Variants in EGFLAM observed in about 807,000 individuals in gnomAD.
EGFLAM encodes the protein EGF like, fibronectin type III and laminin G domains.
A neutral mutation model predicts 113.1 loss-of-function variants in EGFLAM; 79 were observed. The ratio of observed to expected loss-of-function variants is 0.70; its 90% CI spans 0.58 to 0.84. The LOEUF (loss-of-function observed/expected upper bound fraction) is 0.84, where lower values mean the gene tolerates loss of function less well. Among genes scored for constraint, EGFLAM ranks in the 40% least tolerant of loss-of-function variants. The probability of loss-of-function intolerance (pLI) is 0.00; values close to 1 mark genes in which losing one functional copy is unlikely to be tolerated. For synonymous variants in EGFLAM, 504 were observed against 487.6 expected (o/e 1.03, Z -0.44); for missense variants, 1,265 against 1,291.6 (o/e 0.98, Z 0.32).
At chr5:38,293,673 T>A (rs1019037539) in intron 1 of EGFLAM, among the ~76,000 whole-genome samples, 5 of 152,240 alleles carry the variant, frequency 3.3e-5, no homozygotes, top group African/African-American at 1.2e-4. Context: ...GGGTTATATA[T>A]TGCATTATAT....
chr5:38,292,635 T>G (rs1408677755), intron 1 of EGFLAM, among the ~76,000 whole-genome samples: 2 of 152,218 alleles, frequency 1.3e-5, no homozygotes, highest in Non-Finnish European at 2.9e-5. Flanking sequence ...AGTACCCACC[T>G]GTACACATAG....
chr5:38,273,970 G>A (rs1579711845), intron 1 of EGFLAM, among the ~76,000 whole-genome samples: 1 of 152,156 alleles, frequency 6.6e-6, no homozygotes, highest in East Asian at 1.9e-4. Context: ...CGTAGAAACA[G>A]TTAAATGAAA....
intron 15 of EGFLAM, among the ~76,000 whole-genome samples, chr5:38,434,472 A>C (rs1742283724): frequency 6.6e-6 from 1 of 152,262 alleles, no homozygotes; most frequent in African/African-American, 2.4e-5. Flanking sequence ...TATGTGCCTA[A>C]TAATATTTGT....
chr5:38,267,411 C>T (rs1757658964), intron 1 of EGFLAM, among the ~76,000 whole-genome samples: 1 of 152,150 alleles, frequency 6.6e-6, no homozygotes, highest in Non-Finnish European at 1.5e-5. Context: ...GAGTTTAAAG[C>T]CTTCCACAGA....
intron 1 of EGFLAM, among the ~76,000 whole-genome samples, chr5:38,289,950 T>TA (rs1332882161): frequency 6.6e-6 from 1 of 152,240 alleles, no homozygotes; most frequent in East Asian, 1.9e-4. Context: ...GTGAAGCACT[T>TA]ACTCTGTCAG....
chr5:38,449,245 C>T (rs528635953), intron 18 of EGFLAM, among the ~76,000 whole-genome samples: 2 of 152,324 alleles, frequency 1.3e-5, no homozygotes, highest in East Asian at 3.9e-4. Context: ...AAGCGAAAGG[C>T]ATCCAGTTCT....
chr5:38,302,051 C>A (rs1040958487), intron 1 of EGFLAM, among the ~76,000 whole-genome samples: 1 of 151,994 alleles, frequency 6.6e-6, no homozygotes. Flanking sequence ...ACCAGCCTGG[C>A]CAACGTAGCG....
At position 38,463,783 on chromosome 5, in the gene EGFLAM, CG is replaced by C. The variant is rs745894717; in HGVS notation, c.2876-47del. ...AAACTGGAACCCCGACCTTGCCCTG[CG>C]GACACCTGTCCTTTGGCTCACCTCA... On this transcript the variant is annotated intron_variant, in intron 21 of 21. Transcript: ENST00000322350. The C allele has an allele frequency of 1.0e-5, 16 of 1,600,124 alleles. No homozygotes were observed. The Admixed American group carries it at 2.7e-4, about 27-fold the overall frequency.
intron 6 of EGFLAM, among the ~76,000 whole-genome samples, chr5:38,388,156 A>G (rs1281144189): frequency 1.3e-5 from 2 of 152,266 alleles, no homozygotes; most frequent in Admixed American, 1.3e-4. Context: ...TCCACCTGAC[A>G]CACCTTTTTA....
At position 38,379,686 on chromosome 5, in the gene EGFLAM, T is replaced by A. The variant is rs796442239; in HGVS notation, c.712+9224T>A. On this transcript the variant is annotated intron_variant, in intron 6 of 21. Transcript: ENST00000322350. The stretch of plus-strand genomic sequence containing the variant: ...CGGCTTGTGTTGGGGGGACATTTCC[T>A]GAACTCCTTCAGTTGGCTGCTTAGA... Among the ~76,000 whole-genome samples the A allele has an allele frequency of 4.3e-4, 66 of 152,206 alleles. 2 individuals carry two copies. The highest frequency in any genetic ancestry group is 1.5e-3 in the African/African-American group (61 of 41,532).
chr5:38,314,233 G>A (rs1738531027), intron 1 of EGFLAM, among the ~76,000 whole-genome samples: 2 of 152,120 alleles, frequency 1.3e-5, no homozygotes, highest in South Asian at 4.1e-4. Flanking sequence ...AATGTTATCT[G>A]TTGAATAATT....
At position 38,420,867 on chromosome 5, in the gene EGFLAM, A is replaced by G. The variant is rs145979053; in HGVS notation, c.1684+2612A>G. Reference sequence around the variant, plus strand: ...CAAAAGGACCTCTCTTGTGGGCTTCAGCTCCCTGGATACAGCTATTGGATT... The same window carrying G: ...CAAAAGGACCTCTCTTGTGGGCTTCGGCTCCCTGGATACAGCTATTGGATT... On this transcript the variant is annotated intron_variant, in intron 12 of 21. Coordinates refer to ENST00000322350, the MANE Select transcript of EGFLAM (RefSeq NM_152403.4). Among the ~76,000 whole-genome samples, 458 of 152,276 alleles carry G rather than the reference A, an allele frequency of 3.0e-3. 1 individual carries two copies. The highest frequency in any genetic ancestry group is 0.011 in the African/African-American group (447 of 41,550).
intron 1 of EGFLAM, among the ~76,000 whole-genome samples, chr5:38,275,820 C>A (rs34661295): frequency 0.41 from 62,850 of 151,894 alleles, 13,533 homozygotes; most frequent in Middle Eastern, 0.56. Flanking sequence ...TATTAGGCCA[C>A]AAAACAAGTC....
chr5:38,375,526 T>C (rs923594269), intron 6 of EGFLAM, among the ~76,000 whole-genome samples: 2 of 152,242 alleles, frequency 1.3e-5, no homozygotes, highest in Non-Finnish European at 2.9e-5. Flanking sequence ...CTCCCTGGGG[T>C]CCTCTGTGGC....
At chr5:38,362,703 T>G (rs1385560333) in intron 5 of EGFLAM, among the ~76,000 whole-genome samples, 1 of 152,168 alleles carries the variant, frequency 6.6e-6, no homozygotes, top group East Asian at 1.9e-4. Flanking sequence ...GTTTTGAAAC[T>G]GAAAATCTCA....
At chr5:38,362,950 TG>T (rs2112016763) in intron 5 of EGFLAM, among the ~76,000 whole-genome samples, 1 of 152,372 alleles carries the variant, frequency 6.6e-6, no homozygotes, top group East Asian at 1.9e-4. Flanking sequence ...GGGAGCCATT[TG>T]TAAACTGTAA....
chr5:38,362,540 G>T lies in EGFLAM; in HGVS notation c.546-7756G>T, dbSNP rs955232817. On this transcript the variant is annotated intron_variant, in intron 5 of 21. Coordinates refer to ENST00000322350, the MANE Select transcript of EGFLAM (RefSeq NM_152403.4). ...AATCTCCCTTTCTTTTCAAAAAAAA[G>T]TGTTAGAAGTTTTGCTATTTAAGTA... 6.6e-5 allele frequency among the ~76,000 whole-genome samples: 10 copies of T among 152,156 alleles called. No homozygotes were observed. In the East Asian group the frequency reaches 1.7e-3, roughly 26 times the overall value.
At chr5:38,336,190 C>CTA (rs1196654330) in intron 1 of EGFLAM, among the ~76,000 whole-genome samples, 3 of 151,980 alleles carry the variant, frequency 2.0e-5, no homozygotes, top group Admixed American at 6.6e-5. Flanking sequence ...GCTATTTGTA[C>CTA]TATATATATA....
At chr5:38,461,046 T>C (rs919503044) in intron 20 of EGFLAM, 7 of 152,234 alleles carry the variant, frequency 4.6e-5, no homozygotes, top group African/African-American at 1.7e-4. Flanking sequence ...ATGATAATGA[T>C]ATTGATAACA....
Sources: gnomAD v4.1 joint callset for allele counts (sites outside exome capture counted in the v4.1 genomes callset) on GRCh38, gnomAD v4.1.1 for gene constraint, MANE v1.5 for transcripts, NCBI Gene and HGNC (gene_info 2026-07-23, HGNC 2026-07-21) for gene names.